The following COL19A1 variants were observed in gnomAD, a reference collection of about 807,000 sequenced individuals.
COL19A1 encodes the protein collagen type XIX alpha 1 chain, also known as collagen alpha-1(XIX) chain.
COL19A1 carries 159 observed loss-of-function variants against 190.2 expected under a neutral mutation model. That is an observed-to-expected ratio of 0.84 (90% CI 0.73 to 0.95). The LOEUF (loss-of-function observed/expected upper bound fraction) is 0.95. Among genes scored for constraint, COL19A1 ranks in the 40% least tolerant of loss-of-function variants. The pLI is 0.00. For synonymous variants in COL19A1, 509 were observed against 458.9 expected, an observed-to-expected ratio of 1.11 and a Z score of -1.39; for missense variants, 1,418 against 1,431.9, an observed-to-expected ratio of 0.99 and a Z score of 0.16.
intron 15 of COL19A1, among the ~76,000 whole-genome samples, chr6:70,095,556 G>A (rs185886568): frequency 8.5e-5 from 13 of 152,184 alleles, no homozygotes; most frequent in East Asian, 1.9e-4. Context: ...AACATAAAAT[G>A]TACCATCCTT....
intron 11 of COL19A1, among the ~76,000 whole-genome samples, chr6:69,990,177 A>G (rs1200295773): frequency 1.3e-5 from 2 of 152,070 alleles, no homozygotes; most frequent in African/African-American, 4.8e-5. Flanking sequence ...GAACACCTGT[A>G]TATACTTCAG....
At chr6:70,070,971 A>C (rs543928755) in intron 15 of COL19A1, among the ~76,000 whole-genome samples, 144 of 152,278 alleles carry the variant, frequency 9.5e-4, no homozygotes, top group African/African-American at 3.3e-3. Context: ...ACTATCATTA[A>C]GGCTATTTAA....
intron 49 of COL19A1, among the ~76,000 whole-genome samples, chr6:70,200,667 C>A (rs1474170502): frequency 6.6e-6 from 1 of 152,136 alleles, no homozygotes; most frequent in African/African-American, 2.4e-5. Flanking sequence ...TTTCTGTCAC[C>A]AGTTTCCTTC....
chr6:69,966,628 C>T (rs571657567), intron 11 of COL19A1, among the ~76,000 whole-genome samples: 8 of 152,266 alleles, frequency 5.3e-5, no homozygotes, highest in Non-Finnish European at 8.8e-5. Context: ...GACACAAACA[C>T]TGTGGAAGGC....
chr6:69,898,379 T>G (rs903745648), intron 2 of COL19A1, among the ~76,000 whole-genome samples: 1 of 152,216 alleles, frequency 6.6e-6, no homozygotes, highest in Non-Finnish European at 1.5e-5. Context: ...TGAGACTATC[T>G]TTTATTTCTT....
At chr6:70,035,458 C>T (rs1779302485) in intron 13 of COL19A1, among the ~76,000 whole-genome samples, 2 of 152,238 alleles carry the variant, frequency 1.3e-5, no homozygotes, top group African/African-American at 2.4e-5. Flanking sequence ...TAGAAGAGGC[C>T]ATGGGACTGC....
intron 4 of COL19A1, among the ~76,000 whole-genome samples, chr6:69,903,393 T>C (rs371671215): frequency 7.7e-4 from 117 of 152,258 alleles, no homozygotes; most frequent in African/African-American, 2.8e-3. Flanking sequence ...GTACTCAGCA[T>C]ACTTCACTGC....
Position 70,211,437 on chromosome 6 carries a change from A to C in COL19A1, c.*4163A>C, listed in dbSNP as rs1768201398. ...TTTACTGTCGCAGTTTCCCAGCGTT[A>C]TTTCTTAATACTTGAGTGTTGACAC... On this transcript the variant is annotated 3_prime_UTR_variant, in exon 51 of 51. Coordinates refer to ENST00000620364, the MANE Select transcript of COL19A1 (RefSeq NM_001858.6). 6.6e-6 allele frequency among the ~76,000 whole-genome samples: 1 copy of C among 151,506 alleles called. No homozygotes were observed. The highest frequency in any genetic ancestry group is 2.4e-5 in the African/African-American group (1 of 41,172).
At chr6:70,073,842 A>C (rs1474628364) in intron 15 of COL19A1, among the ~76,000 whole-genome samples, 1 of 152,092 alleles carries the variant, frequency 6.6e-6, no homozygotes, top group African/African-American at 2.4e-5. Context: ...ATCATGTGTA[A>C]ATTTACTGGG....
chr6:70,062,723 A>T (rs1335073485), intron 14 of COL19A1, among the ~76,000 whole-genome samples: 1 of 152,200 alleles, frequency 6.6e-6, no homozygotes, highest in East Asian at 1.9e-4. Flanking sequence ...AGTGTGCTGT[A>T]TTCAGGAAAC....
chr6:70,055,824 T>A, intron 14 of COL19A1, among the ~76,000 whole-genome samples: 1 of 151,400 alleles, frequency 6.6e-6, no homozygotes, highest in East Asian at 1.9e-4. Flanking sequence ...TTAATGACTG[T>A]AAATATTGTC....
intron 16 of COL19A1, among the ~76,000 whole-genome samples, chr6:70,120,788 TA>T (rs1443759079): frequency 6.6e-6 from 1 of 152,154 alleles, no homozygotes; most frequent in East Asian, 1.9e-4. Flanking sequence ...GGTTTTATAT[TA>T]GAAGAGATCT....
intron 36 of COL19A1, among the ~76,000 whole-genome samples, chr6:70,164,461 G>A (rs78912094): frequency 0.01 from 1,591 of 152,202 alleles, 29 homozygotes; most frequent in African/African-American, 0.036. Context: ...AGGAGCAAAG[G>A]AATCCCAACA....
intron 2 of COL19A1, among the ~76,000 whole-genome samples, chr6:69,892,309 T>G (rs965052249): frequency 1.3e-5 from 2 of 152,206 alleles, no homozygotes; most frequent in Admixed American, 1.3e-4. Flanking sequence ...GCTGGTTGGT[T>G]CACAGGAACA....
intron 15 of COL19A1, among the ~76,000 whole-genome samples, chr6:70,082,409 T>A (rs950206153): frequency 5.9e-5 from 9 of 152,174 alleles, no homozygotes; most frequent in Non-Finnish European, 1.5e-5. Flanking sequence ...AGCACTTTTT[T>A]AATTAATTAA....
intron 16 of COL19A1, among the ~76,000 whole-genome samples, chr6:70,102,708 C>T (rs1196334953): frequency 6.6e-6 from 1 of 152,012 alleles, no homozygotes; most frequent in Admixed American, 6.6e-5. Context: ...TATCTGGATC[C>T]TTTACCCCAA....
At chr6:70,168,357 C>A in intron 39 of COL19A1, 142 bp downstream of exon 39, 3 of 821,206 alleles carry the variant, frequency 3.7e-6, no homozygotes, top group South Asian at 2.0e-5. Flanking sequence ...TAAGTAAAAC[C>A]AATTATAATA....
At chr6:69,982,245 G>T (rs1582597401) in intron 11 of COL19A1, among the ~76,000 whole-genome samples, 1 of 137,468 alleles carries the variant, frequency 7.3e-6, no homozygotes, top group African/African-American at 2.6e-5. Context: ...AGGCTGGAGT[G>T]CAGTGGCACA....
rs1247240031 is a variant in COL19A1 at position 70,131,198 on chromosome 6, G to A, written c.1383+975G>A. The A allele has an allele frequency of 2.2e-5, 6 of 278,518 alleles. No individual in the cohort carries two copies. In the Admixed American group the frequency reaches 2.2e-4, roughly 10 times the overall value. 17.3% of individuals were successfully genotyped at this position (278,518 alleles called of 1,614,324 possible). ...AAAAAAAATGCACATTAAATCTACAGGCAGAGATGAGTAGTTTGAAAATAC... is the reference window on the plus strand; with the variant it reads ...AAAAAAAATGCACATTAAATCTACAAGCAGAGATGAGTAGTTTGAAAATAC... On this transcript the variant is annotated intron_variant, in intron 18 of 50. Coordinates refer to ENST00000620364, the MANE Select transcript of COL19A1 (RefSeq NM_001858.6).
Sources: allele counts gnomAD v4.1 joint callset (sites outside exome capture counted in the v4.1 genomes callset), GRCh38; gene constraint gnomAD v4.1.1; transcripts MANE v1.5; gene names NCBI Gene and HGNC (gene_info 2026-07-23, HGNC 2026-07-21).